The following ADGRB3 variants were observed in gnomAD, a reference collection of about 807,000 sequenced individuals.
ADGRB3 encodes brain-specific angiogenesis inhibitor 3.
Under a neutral mutation model 193.4 loss-of-function variants are expected in ADGRB3, and 37 were observed. That is an observed-to-expected ratio of 0.19 (90% CI 0.15 to 0.25). The LOEUF (loss-of-function observed/expected upper bound fraction) is 0.25, where lower values mean the gene tolerates loss of function less well. Among genes scored for constraint, ADGRB3 ranks in the 10% least tolerant of loss-of-function variants. The pLI is 1.00. For synonymous variants in ADGRB3, 690 were observed against 644.2 expected, an observed-to-expected ratio of 1.07 and a Z score of -1.08; for missense variants, 1,637 against 1,852.9, an observed-to-expected ratio of 0.88 and a Z score of 2.14.
At chr6:68,902,398 C>G (rs4706062) in intron 3 of ADGRB3, among the ~76,000 whole-genome samples, 14,508 of 151,970 alleles carry the variant, frequency 0.095, 910 homozygotes, top group Non-Finnish European at 0.14. Flanking sequence ...TTTCATTTAT[C>G]TTTCATTACG....
chr6:69,290,894 A>T (rs566586694), intron 20 of ADGRB3, among the ~76,000 whole-genome samples: 62 of 152,278 alleles, frequency 4.1e-4, no homozygotes, highest in African/African-American at 1.4e-3. Context: ...TTTTCTAGGC[A>T]TCTAGTATTT....
chr6:68,786,934 C>T (rs1274106925), intron 3 of ADGRB3, among the ~76,000 whole-genome samples: 2 of 151,824 alleles, frequency 1.3e-5, no homozygotes, highest in Non-Finnish European at 2.9e-5. Flanking sequence ...TGGGCGTTCA[C>T]TCATGATTTG....
rs1286556824 is a variant in ADGRB3, at chr6:69,259,796, A to T, written c.2814+20570A>T. 2.0e-5 allele frequency among the ~76,000 whole-genome samples: 3 copies of T among 152,032 alleles called. No individual in the cohort carries two copies. The East Asian group carries it at 5.8e-4, about 29-fold the overall frequency. ...GATCTTAGCATTTAATTCAACAAAT[A>T]TGTAAAATATTAATGGACTCAGATA... is the stretch of plus-strand genomic sequence containing the variant. On this transcript the variant is annotated intron_variant, in intron 20 of 31. Coordinates refer to ENST00000370598, the MANE Select transcript of ADGRB3 (RefSeq NM_001704.3).
At chr6:68,955,910 A>G (rs1463350409) in intron 6 of ADGRB3, 114 bp from the exon 7 acceptor site, 2 of 990,384 alleles carry the variant, frequency 2.0e-6, no homozygotes, top group African/African-American at 1.6e-5. Context: ...CATTGTATTC[A>G]TTCATAGTCC....
At chr6:69,223,650 CTCTTT>C (rs1485612550) in intron 17 of ADGRB3, among the ~76,000 whole-genome samples, 1 of 137,020 alleles carries the variant, frequency 7.3e-6, no homozygotes, top group Non-Finnish European at 1.6e-5. Flanking sequence ...CTCTCTCTCT[CTCTTT>C]TTTTTTTTTT....
intron 3 of ADGRB3, among the ~76,000 whole-genome samples, chr6:68,703,445 A>C (rs1003364131): frequency 1.1e-4 from 16 of 152,088 alleles, no homozygotes; most frequent in African/African-American, 3.6e-4. Flanking sequence ...ATTTAACTAT[A>C]TATATGTTTC....
At chr6:69,179,147 GT>G (rs904759826) in intron 17 of ADGRB3, among the ~76,000 whole-genome samples, 1 of 151,818 alleles carries the variant, frequency 6.6e-6, no homozygotes, top group East Asian at 1.9e-4. Flanking sequence ...TTTTTTAAAT[GT>G]TTTTTTAAAT....
At chr6:68,730,998 T>G (rs1276339204) in intron 3 of ADGRB3, among the ~76,000 whole-genome samples, 1 of 151,516 alleles carries the variant, frequency 6.6e-6, no homozygotes, top group African/African-American at 2.4e-5. Flanking sequence ...GAAAGAAAGC[T>G]TATTTGGGGA....
At chr6:68,818,493 A>T (rs1767678472) in intron 3 of ADGRB3, among the ~76,000 whole-genome samples, 1 of 152,032 alleles carries the variant, frequency 6.6e-6, no homozygotes, top group African/African-American at 2.4e-5. Context: ...TGGTGTGGTA[A>T]GAAATACTGA....
intron 3 of ADGRB3, among the ~76,000 whole-genome samples, chr6:68,891,466 A>C (rs941296231): frequency 2.0e-5 from 3 of 152,228 alleles, no homozygotes; most frequent in African/African-American, 7.2e-5. Context: ...AAATTATAAG[A>C]AAAGGCTAGA....
chr6:69,107,211 C>A (rs1260389605), intron 17 of ADGRB3, among the ~76,000 whole-genome samples: 6 of 151,886 alleles, frequency 4.0e-5, no homozygotes, highest in Non-Finnish European at 8.8e-5. Context: ...TATTAATTAG[C>A]CTTTTTTAAA....
At chr6:69,346,101 C>A (rs1769082355) in intron 26 of ADGRB3, among the ~76,000 whole-genome samples, 1 of 152,118 alleles carries the variant, frequency 6.6e-6, no homozygotes, top group South Asian at 2.1e-4. Context: ...AGAGAGGACA[C>A]AAACAAATGG....
intron 17 of ADGRB3, among the ~76,000 whole-genome samples, chr6:69,165,596 C>T (rs1775111469): frequency 6.6e-6 from 1 of 152,036 alleles, no homozygotes; most frequent in Non-Finnish European, 1.5e-5. Flanking sequence ...TCCAGGAAGC[C>T]TCTCCAACTA....
intron 10 of ADGRB3, among the ~76,000 whole-genome samples, chr6:68,989,301 TTAAA>T (rs1562112321): frequency 2.6e-5 from 4 of 152,092 alleles, no homozygotes; most frequent in African/African-American, 7.2e-5. Flanking sequence ...GAAAGAACAG[TTAAA>T]TAATTAAAGA....
At chr6:69,287,446 A>T (rs944554642) in intron 20 of ADGRB3, among the ~76,000 whole-genome samples, 3 of 152,186 alleles carry the variant, frequency 2.0e-5, no homozygotes, top group African/African-American at 7.2e-5. Flanking sequence ...TTGCAATGAG[A>T]AAAAGAAAAA....
chr6:69,322,095 A>C (rs991328227), intron 20 of ADGRB3, among the ~76,000 whole-genome samples: 37 of 151,966 alleles, frequency 2.4e-4, no homozygotes, highest in Non-Finnish European at 5.0e-4. Context: ...CTTATAAGTG[A>C]AAACATGCAA....
At chr6:69,121,370 G>C (rs1192009956) in intron 17 of ADGRB3, among the ~76,000 whole-genome samples, 5 of 152,222 alleles carry the variant, frequency 3.3e-5, no homozygotes, top group Non-Finnish European at 7.4e-5. Context: ...ATTTTTCTTA[G>C]TACAGAACAA....
chr6:69,104,529 A>G (rs1023042240), intron 17 of ADGRB3, among the ~76,000 whole-genome samples: 4 of 151,920 alleles, frequency 2.6e-5, no homozygotes, highest in Non-Finnish European at 4.4e-5. Context: ...GTGAAATTTT[A>G]GTTTAGAATT....
rs571053690 is a variant in ADGRB3, at chr6:68,873,772, A to G, written c.758-56787A>G. Among the ~76,000 whole-genome samples, 14 of 152,234 alleles carry G rather than the reference A, an allele frequency of 9.2e-5. No homozygotes were observed. The East Asian group carries it at 2.5e-3, about 27-fold the overall frequency. ...TTCATTCTTGGGGTGAGGGATTAAGAAGGAAAGTAAAATTATGATAACTTC... is the reference window on the plus strand; with the variant it reads ...TTCATTCTTGGGGTGAGGGATTAAGGAGGAAAGTAAAATTATGATAACTTC... On this transcript the variant is annotated intron_variant, in intron 3 of 31. Coordinates refer to ENST00000370598, the MANE Select transcript of ADGRB3 (RefSeq NM_001704.3).
Sources: gnomAD v4.1 joint callset for allele counts (sites outside exome capture counted in the v4.1 genomes callset) on GRCh38, gnomAD v4.1.1 for gene constraint, MANE v1.5 for transcripts, NCBI Gene and HGNC (gene_info 2026-07-23, HGNC 2026-07-21) for gene names.